CAMSAP1: variants seen among roughly 807,000 people sequenced by gnomAD.
CAMSAP1 encodes the protein calmodulin-regulated spectrin-associated protein 1.
A neutral mutation model predicts 143.5 loss-of-function variants in CAMSAP1; 58 were observed. That is an observed-to-expected ratio of 0.40 (90% confidence interval 0.33 to 0.50). The LOEUF (loss-of-function observed/expected upper bound fraction) is 0.50, where lower values mean the gene tolerates loss of function less well. Ranked by LOEUF, CAMSAP1 falls within the 20% of genes least tolerant of loss-of-function variation. CAMSAP1 has a pLI of 0.45. For missense variants in CAMSAP1, 1,969 were observed against 2,115.7 expected (o/e 0.93, Z 1.36); for synonymous variants, 945 against 859.3 (o/e 1.10, Z -1.74).
chr9:135,853,604 G>A (rs7048404), intron 5 of CAMSAP1, among the ~76,000 whole-genome samples: 2,165 of 152,356 alleles, frequency 0.014, 58 homozygotes, highest in African/African-American at 0.048. Flanking sequence ...TAGAAAAGCC[G>A]ATGGATTTTC....
rs780762677 is a variant in CAMSAP1, at chr9:135,817,984, A to G, written c.4264T>C (p.Ser1422Pro). 6.2e-7 allele frequency: 1 copy of G among 1,613,792 alleles called. No individual in the cohort carries two copies. Among genetic ancestry groups the G allele is most frequent in the Admixed American group, 1.7e-5 (1 of 60,022 alleles). ...CCGTCTCAGGCCCCTTACCGCTGAGAGGGTGTGCCCCCGGAATGAACGCTC... is the reference window on the plus strand; with the variant it reads ...CCGTCTCAGGCCCCTTACCGCTGAGGGGGTGTGCCCCCGGAATGAACGCTC... ...PESVHSGGTP[S>P]QRVESMEALP... The change falls in exon 14 of 17, where the codon TCT becomes CCT. Residue 1422 changes from serine (S) to proline (P), a missense_variant. Physicochemically the swap from Ser to Pro is moderately conservative, Grantham distance 74. Transcript: ENST00000389532.
intron 1 of CAMSAP1, among the ~76,000 whole-genome samples, chr9:135,893,694 C>G (rs1284798911): frequency 1.3e-5 from 2 of 152,180 alleles, no homozygotes; most frequent in Admixed American, 1.3e-4. Flanking sequence ...AAACCATAGT[C>G]TCAAGAAGCA....
Position 135,849,474 on chromosome 9 carries a change from T to C in CAMSAP1, c.1045+663A>G, listed in dbSNP as rs76202592. 3.3e-5 allele frequency among the ~76,000 whole-genome samples: 5 copies of C among 152,332 alleles called. No homozygotes were observed. The East Asian group carries it at 5.8e-4, about 18-fold the overall frequency. ...GCTTTTCACAAATCAGTTAGGCACATGGGGTCCCACTCTCATCAAGAATCT... is the reference window on the plus strand; with the variant it reads ...GCTTTTCACAAATCAGTTAGGCACACGGGGTCCCACTCTCATCAAGAATCT... On this transcript the variant is annotated intron_variant, in intron 7 of 16. Coordinates refer to ENST00000389532, the MANE Select transcript of CAMSAP1 (RefSeq NM_015447.4).
At chr9:135,845,162 T>C (rs182213617) in intron 7 of CAMSAP1, among the ~76,000 whole-genome samples, 23 of 152,284 alleles carry the variant, frequency 1.5e-4, no homozygotes, top group Non-Finnish European at 2.8e-4. Context: ...AAAAAGTTTA[T>C]CCACCACGAT....
In CAMSAP1 at chr9:135,826,167, C is replaced by T. The variant is rs1269315869; in HGVS notation, c.1223+1240G>A. The T allele has an allele frequency of 6.6e-6, 1 of 151,642 alleles. No individual in the cohort carries two copies. The highest frequency in any genetic ancestry group is 1.5e-5 in the Non-Finnish European group (1 of 68,082). The allele number at this position is 151,642 out of a possible 1,614,324, so 9.4% of individuals were successfully genotyped here. On this transcript the variant is annotated intron_variant, in intron 8 of 16. Coordinates refer to ENST00000389532, the MANE Select transcript of CAMSAP1 (RefSeq NM_015447.4). This position sits in a 1 kb window ranked among gnomAD's most constrained non-coding sequence, Gnocchi z 4.4. ...AGACAACAGGGTGCAGACAGCAGGT[C>T]ACAGAGCAGCGTGTACACGGGCACC... is the stretch of plus-strand genomic sequence containing the variant.
Position 135,818,532 on chromosome 9 carries a change from C to G in CAMSAP1, c.4044G>C (p.Lys1348Asn). 6.2e-7 allele frequency: 1 copy of G among 1,612,804 alleles called. No individual in the cohort carries two copies. The highest frequency in any genetic ancestry group is 1.7e-5 in the Admixed American group (1 of 60,020). Residue 1348 changes from lysine to asparagine, a missense_variant, in exon 13 of 17, where the codon AAG (lysine) becomes AAC (asparagine). Lys to Asn is a moderately conservative substitution (Grantham distance 94). Coordinates refer to ENST00000389532, the MANE Select transcript of CAMSAP1 (RefSeq NM_015447.4). The surrounding 1 kb of genome is among the most constrained non-coding windows in gnomAD (Gnocchi z 7.7). Reference protein sequence around the residue: ...ELIKQEYLRRKQQQILEEQGL... With the variant: ...ELIKQEYLRRNQQQILEEQGL... ...CCTGCTCCTCTAGGATCTGCTGCTG[C>G]TTCCTCCGCAGGTACTCCTGCTTGA... is the stretch of plus-strand genomic sequence containing the variant.
intron 1 of CAMSAP1, 86 bp from the exon 2 acceptor site, chr9:135,883,164 C>T: frequency 7.1e-7 from 1 of 1,413,854 alleles, no homozygotes. Context: ...TATGACTGTG[C>T]CACTGTACTC....
intron 4 of CAMSAP1, chr9:135,865,218 T>C (rs1837332030): frequency 9.5e-7 from 1 of 1,052,348 alleles, no homozygotes; most frequent in Admixed American, 2.1e-5. Context: ...AGGTGGGACA[T>C]TTAAACAACA....
intron 1 of CAMSAP1, among the ~76,000 whole-genome samples, chr9:135,904,402 CAAA>C (rs34983397): frequency 3.6e-5 from 3 of 84,016 alleles, no homozygotes; most frequent in African/African-American, 4.2e-5. Flanking sequence ...CTGTCCTCCA[CAAA>C]AAAAAAAAAA....
chr9:135,821,935 T>C lies in CAMSAP1; in HGVS notation c.2726A>G (p.Lys909Arg), dbSNP rs749171899. 1 of 1,612,988 alleles carries C rather than the reference T, an allele frequency of 6.2e-7. No homozygotes were observed. Among genetic ancestry groups the C allele is most frequent in the African/African-American group, 1.3e-5 (1 of 75,010 alleles). Residue 909 changes from lysine (K) to arginine (R), a missense_variant, in exon 11 of 17, where the codon AAG becomes AGG. Transcript: ENST00000389532. The surrounding 1 kb of genome is among the most constrained non-coding windows in gnomAD (Gnocchi z 4.6). ...ATGCAGGAATGCAGCCTTGCCGAGC[T>C]TCAGGCGCTGCCTTGCCGACAGCGC... ...MEALSARQRL[K>R]LGKAAFLHVV...
At chr9:135,827,698 GC>G in intron 7 of CAMSAP1, 114 bp from the exon 8 acceptor site, 1 of 1,033,312 alleles carries the variant, frequency 9.7e-7, no homozygotes, top group Non-Finnish European at 1.3e-6. Context: ...CCAAACTTCT[GC>G]CAAAAAAAAC....
chr9:135,901,334 A>T (rs1380860465), intron 1 of CAMSAP1, among the ~76,000 whole-genome samples: 1 of 151,784 alleles, frequency 6.6e-6, no homozygotes, highest in African/African-American at 2.4e-5. Flanking sequence ...TAACTCACTC[A>T]CTCATACCTG....
chr9:135,850,440 G>A lies in CAMSAP1; in HGVS notation c.830C>T (p.Thr277Met), dbSNP rs758593414. ...ATTATACAGACTGTCGGCCATCGACGTTACCTCCTTTAAGCATATATCTAA... is the reference window on the plus strand; with the variant it reads ...ATTATACAGACTGTCGGCCATCGACATTACCTCCTTTAAGCATATATCTAA... ...KLDDICLKEV[T>M]SMADSLYNIR... The change falls in exon 6 of 17, where the codon ACG (threonine) becomes ATG (methionine). Residue 277 changes from threonine (T) to methionine (M), a missense_variant. Transcript: ENST00000389532. 6.9e-6 allele frequency: 11 copies of A among 1,595,966 alleles called. No homozygotes were observed. The highest frequency in any genetic ancestry group is 3.4e-5 in the South Asian group (3 of 86,976).
chr9:135,823,058 T>C lies in CAMSAP1; in HGVS notation c.1603A>G (p.Ile535Val). Residue 535 changes from isoleucine (I) to valine (V), a missense_variant, in exon 11 of 17, where the codon ATT becomes GTT. This residue lies in a region of CAMSAP1 where 1,390 missense variants were observed against 1,420.8 expected (regional missense o/e 0.98). Transcript: ENST00000389532. ...HGKSLLSNVS[I>V]EDEEEELVAI... ...ACAAGCTCCTCTTCCTCATCCTCAA[T>C]ACTGACATTGCTCAGGAGGCTCTTC... 6.2e-7 allele frequency: 1 copy of C among 1,613,954 alleles called. No individual in the cohort carries two copies. The highest frequency in any genetic ancestry group is 8.5e-7 in the Non-Finnish European group (1 of 1,179,888).
At chr9:135,906,516 G>A (rs950744740) in intron 1 of CAMSAP1, among the ~76,000 whole-genome samples, 2 of 152,218 alleles carry the variant, frequency 1.3e-5, no homozygotes, top group African/African-American at 4.8e-5. Flanking sequence ...CACAATGCGC[G>A]GAATACGCAA....
In CAMSAP1 at chr9:135,824,302, G is replaced by A. The variant is rs948847803; in HGVS notation, c.1316-268C>T. Among the ~76,000 whole-genome samples, 3 of 152,166 alleles carry A rather than the reference G, an allele frequency of 2.0e-5. No individual in the cohort carries two copies. The highest frequency in any genetic ancestry group is 1.5e-5 in the Non-Finnish European group (1 of 68,038). On this transcript the variant is annotated intron_variant, in intron 9 of 16. Transcript: ENST00000389532. This position sits in a 1 kb window ranked among gnomAD's most constrained non-coding sequence, Gnocchi z 4.1. ...TACACAGAAGGTAATTGCTCTCAACGATATTTTCACTGCAAGACTATACAT... is the reference window on the plus strand; with the variant it reads ...TACACAGAAGGTAATTGCTCTCAACAATATTTTCACTGCAAGACTATACAT...
At chr9:135,900,840 C>T (rs935569803) in intron 1 of CAMSAP1, among the ~76,000 whole-genome samples, 6 of 151,822 alleles carry the variant, frequency 4.0e-5, no homozygotes, top group Admixed American at 1.3e-4. Flanking sequence ...CCGCAGCCTC[C>T]GCCTCCTGGG....
intron 7 of CAMSAP1, among the ~76,000 whole-genome samples, chr9:135,843,346 G>T (rs1276165039): frequency 6.6e-6 from 1 of 152,014 alleles, no homozygotes; most frequent in Non-Finnish European, 1.5e-5. Flanking sequence ...TAAATAAAAA[G>T]ACAGACTGCA....
chr9:135,849,815 AGATT>A (rs1308928020), intron 7 of CAMSAP1: 2 of 200,954 alleles, frequency 1.0e-5, no homozygotes, highest in Non-Finnish European at 2.0e-5. Context: ...AAAACTTTCT[AGATT>A]GTCAAGCCTG....
Sources: gnomAD v4.1 joint callset for allele counts (sites outside exome capture counted in the v4.1 genomes callset) on GRCh38, gnomAD v4.1.1 for gene constraint, gnomAD v4.1.1 regional missense constraint, Gnocchi (gnomAD v3.1) non-coding constraint, MANE v1.5 for transcripts, NCBI Gene and HGNC (gene_info 2026-07-23, HGNC 2026-07-21) for gene names.